MARCHF1: variants seen among roughly 807,000 people sequenced by gnomAD.
MARCHF1 encodes E3 ubiquitin-protein ligase MARCHF1.
Under a neutral mutation model 54.2 loss-of-function variants are expected in MARCHF1, and 40 were observed. The observed-to-expected ratio is 0.74, with a 90% CI of 0.57 to 0.96. The LOEUF is 0.96. Among genes scored for constraint, MARCHF1 ranks in the 40% least tolerant of loss-of-function variants. The pLI is 0.00. For synonymous variants in MARCHF1, 236 were observed against 236.3 expected (o/e 1.00, Z 0.01); for missense variants, 586 against 656.5 (o/e 0.89, Z 1.17).
chr4:163,690,982 G>A (rs926031490), intron 5 of MARCHF1, among the ~76,000 whole-genome samples: 17 of 152,210 alleles, frequency 1.1e-4, no homozygotes, highest in Non-Finnish European at 1.0e-4. Context: ...ACCACTGGGA[G>A]TGATGATAAG....
intron 5 of MARCHF1, among the ~76,000 whole-genome samples, chr4:163,633,178 A>C (rs1160230430): frequency 6.6e-6 from 1 of 152,288 alleles, no homozygotes; most frequent in South Asian, 2.1e-4. Flanking sequence ...AAACTCTAAA[A>C]ATCAGAGCGC....
At chr4:163,803,037 A>T (rs1002112420) in intron 4 of MARCHF1, among the ~76,000 whole-genome samples, 4 of 152,132 alleles carry the variant, frequency 2.6e-5, no homozygotes, top group Admixed American at 1.3e-4. Flanking sequence ...TATATATTTA[A>T]ATCTGTTGAA....
At chr4:163,890,380 C>CTT (rs56405254) in intron 3 of MARCHF1, among the ~76,000 whole-genome samples, 127,857 of 151,186 alleles carry the variant, frequency 0.85, 56,438 homozygotes, top group Non-Finnish European at 0.97. Context: ...CTCTCTCTCT[C>CTT]TGTTTTTTCT....
At chr4:164,034,086 G>GATAA (rs1753941606) in intron 2 of MARCHF1, among the ~76,000 whole-genome samples, 1 of 136,696 alleles carries the variant, frequency 7.3e-6, no homozygotes, top group Non-Finnish European at 1.6e-5. Context: ...TAGATAGATA[G>GATAA]ATAGATAGAT....
At chr4:163,672,806 GC>G (rs1235874026) in intron 5 of MARCHF1, among the ~76,000 whole-genome samples, 1 of 152,164 alleles carries the variant, frequency 6.6e-6, no homozygotes, top group African/African-American at 2.4e-5. Context: ...CCAGCTCCCT[GC>G]CTTTTCCAGC....
At chr4:163,730,374 C>A (rs1172647689) in intron 4 of MARCHF1, among the ~76,000 whole-genome samples, 2 of 152,120 alleles carry the variant, frequency 1.3e-5, no homozygotes, top group African/African-American at 4.8e-5. Context: ...TCTGGCAGAT[C>A]CACCATCAAG....
At chr4:164,046,550 A>T (rs1322982979) in intron 2 of MARCHF1, among the ~76,000 whole-genome samples, 2 of 152,250 alleles carry the variant, frequency 1.3e-5, no homozygotes, top group Non-Finnish European at 2.9e-5. Context: ...CTATTAATAA[A>T]ATAACTCATT....
chr4:163,989,074 C>T (rs1752923111), intron 2 of MARCHF1, among the ~76,000 whole-genome samples: 1 of 152,218 alleles, frequency 6.6e-6, no homozygotes, highest in African/African-American at 2.4e-5. Context: ...ATCCTGATTC[C>T]CCAGGAGTCC....
At chr4:164,349,162 A>G (rs765845542) in intron 1 of MARCHF1, among the ~76,000 whole-genome samples, 1 of 152,156 alleles carries the variant, frequency 6.6e-6, no homozygotes, top group Non-Finnish European at 1.5e-5. Flanking sequence ...ACCAAAATAG[A>G]TCTGCCCTGA....
At chr4:163,954,703 T>A (rs1419140027) in intron 3 of MARCHF1, among the ~76,000 whole-genome samples, 1 of 152,198 alleles carries the variant, frequency 6.6e-6, no homozygotes, top group East Asian at 1.9e-4. Context: ...AATGTGTTTA[T>A]AAATCACCTG....
At chr4:164,307,250 G>A (rs150937881) in intron 1 of MARCHF1, among the ~76,000 whole-genome samples, 79 of 152,216 alleles carry the variant, frequency 5.2e-4, no homozygotes, top group South Asian at 3.5e-3. Context: ...TAAGGAATTT[G>A]GAAAACCTCA....
At chr4:164,032,797 T>A (rs6536774) in intron 2 of MARCHF1, among the ~76,000 whole-genome samples, 150,117 of 152,194 alleles carry the variant, frequency 0.99, 74,072 homozygotes, top group Middle Eastern at 1. Flanking sequence ...ACAGAGAGGA[T>A]TAACTACCTT....
intron 2 of MARCHF1, among the ~76,000 whole-genome samples, chr4:164,020,005 T>A (rs540563650): frequency 1.3e-5 from 2 of 152,222 alleles, no homozygotes; most frequent in African/African-American, 4.8e-5. Flanking sequence ...ATATTGTTTT[T>A]GGCAGTGGAA....
chr4:164,159,205 G>A (rs1307500880), intron 1 of MARCHF1, among the ~76,000 whole-genome samples: 3 of 152,150 alleles, frequency 2.0e-5, no homozygotes, highest in South Asian at 2.1e-4. Context: ...ACATGCTGTT[G>A]ATGCTAAAAC....
rs558829265 is a variant in MARCHF1 at position 164,302,761 on chromosome 4, C to T, written c.-323+81109G>A. ...GCCCATGCCTGTAATCCCAGCTACTCGGGAGGCTGAGGCATGAGAATCACT... is the reference window on the plus strand; with the variant it reads ...GCCCATGCCTGTAATCCCAGCTACTTGGGAGGCTGAGGCATGAGAATCACT... On this transcript the variant is annotated intron_variant, in intron 1 of 9. Transcript: ENST00000514618. Among the ~76,000 whole-genome samples the T allele has an allele frequency of 2.3e-3, 346 of 150,034 alleles. 1 individual carries two copies. The highest frequency in any genetic ancestry group is 4.0e-3 in the Non-Finnish European group (272 of 67,666).
chr4:164,032,772 T>G (rs1408638805), intron 2 of MARCHF1, among the ~76,000 whole-genome samples: 1 of 151,972 alleles, frequency 6.6e-6, no homozygotes, highest in African/African-American at 2.4e-5. Context: ...GGTTTTAGAG[T>G]AAGTGTCATG....
rs75380525 is a variant in MARCHF1 at position 163,992,211 on chromosome 4, G to A, written c.-247-3502C>T. Among the ~76,000 whole-genome samples the A allele has an allele frequency of 1.1e-3, 162 of 151,934 alleles. No individual in the cohort carries two copies. In the East Asian group the frequency reaches 0.027, roughly 25 times the overall value. ...AATGGATAGACTGAAAATTCAATTC[G>A]ATAAACATTTGTTAAGCATCTTCTG... On this transcript the variant is annotated intron_variant, in intron 2 of 9. Transcript: ENST00000514618.
At chr4:163,558,229 G>A (rs1739354681) in intron 8 of MARCHF1, among the ~76,000 whole-genome samples, 1 of 152,204 alleles carries the variant, frequency 6.6e-6, no homozygotes, top group South Asian at 2.1e-4. Context: ...GAACAGGCGT[G>A]AACGGTTCAA....
chr4:164,091,246 T>G (rs1248687181), intron 2 of MARCHF1, among the ~76,000 whole-genome samples: 3 of 151,958 alleles, frequency 2.0e-5, no homozygotes, highest in African/African-American at 7.2e-5. Context: ...TCTTCTTGAT[T>G]TAATAATTAT....
Sources: gnomAD v4.1 joint callset for allele counts (sites outside exome capture counted in the v4.1 genomes callset) on GRCh38, gnomAD v4.1.1 for gene constraint, MANE v1.5 for transcripts, NCBI Gene and HGNC (gene_info 2026-07-23, HGNC 2026-07-21) for gene names.